The following SERGEF variants were observed in gnomAD, a reference collection of about 807,000 sequenced individuals.
The protein encoded by SERGEF is secretion-regulating guanine nucleotide exchange factor.
SERGEF carries 51 observed loss-of-function variants against 50.0 expected under a neutral mutation model. That is an observed-to-expected ratio of 1.02 (90% confidence interval 0.81 to 1.29). SERGEF has a LOEUF of 1.29. SERGEF is among the 50% of genes most tolerant of loss of function. The probability of loss-of-function intolerance (pLI) is 0.00; values close to 1 mark genes in which losing one functional copy is unlikely to be tolerated. For missense variants in SERGEF, 521 were observed against 557.0 expected (o/e 0.94, Z 0.65); for synonymous variants, 205 against 212.4 (o/e 0.97, Z 0.30).
At chr11:17,897,381 C>G (rs953833768) in intron 9 of SERGEF, among the ~76,000 whole-genome samples, 26 of 152,204 alleles carry the variant, frequency 1.7e-4, no homozygotes, top group African/African-American at 4.8e-5. Flanking sequence ...AAAGCCCAGC[C>G]AATCCCACCC....
intron 1 of SERGEF, chr11:18,012,599 G>A (rs1004968815): frequency 1.6e-5 from 19 of 1,183,414 alleles, no homozygotes; most frequent in Non-Finnish European, 1.8e-5. Flanking sequence ...TCTGGGACCG[G>A]GCGATCCTCT....
intron 4 of SERGEF, among the ~76,000 whole-genome samples, chr11:18,003,468 A>G (rs1046539322): frequency 2.0e-5 from 3 of 152,244 alleles, no homozygotes; most frequent in Admixed American, 6.5e-5. Flanking sequence ...AAACTGAGAC[A>G]TATTGTAAGT....
chr11:17,876,252 G>A (rs1337672192), intron 10 of SERGEF, among the ~76,000 whole-genome samples: 1 of 152,154 alleles, frequency 6.6e-6, no homozygotes, highest in African/African-American at 2.4e-5. Context: ...CAGGTCCCAG[G>A]CACTGGGGAT....
chr11:17,802,668 T>C (rs1044511684), intron 10 of SERGEF, among the ~76,000 whole-genome samples: 2 of 152,100 alleles, frequency 1.3e-5, no homozygotes, highest in Non-Finnish European at 1.5e-5. Flanking sequence ...AACTGGCCAG[T>C]CATGCTTCCA....
At chr11:17,974,750 C>T (rs1853331429) in intron 8 of SERGEF, among the ~76,000 whole-genome samples, 1 of 152,164 alleles carries the variant, frequency 6.6e-6, no homozygotes, top group African/African-American at 2.4e-5. Flanking sequence ...ATGGTCCCTT[C>T]TAGGATTAAA....
At chr11:17,941,120 T>C (rs954627725) in intron 9 of SERGEF, among the ~76,000 whole-genome samples, 1 of 152,250 alleles carries the variant, frequency 6.6e-6, no homozygotes, top group Non-Finnish European at 1.5e-5. Flanking sequence ...TCCCTCTCTC[T>C]ATTCACCAAT....
chr11:17,947,163 C>T (rs992525456), intron 9 of SERGEF, among the ~76,000 whole-genome samples: 9 of 152,214 alleles, frequency 5.9e-5, no homozygotes, highest in African/African-American at 2.2e-4. Context: ...CAACCATTTG[C>T]TTTCTGATAG....
chr11:17,819,975 C>T (rs1262469896), intron 10 of SERGEF, among the ~76,000 whole-genome samples: 1 of 152,130 alleles, frequency 6.6e-6, no homozygotes, highest in Non-Finnish European at 1.5e-5. Context: ...GGAGCTGGGA[C>T]TAAAAGTGCA....
At position 17,912,091 on chromosome 11, in the gene SERGEF, G is replaced by GAAACA. The variant is rs560570882; in HGVS notation, c.1012-33852_1012-33848dup. The stretch of plus-strand genomic sequence containing the variant: ...AAAGTAAGACCCTATCCAAGAGGGA[G>GAAACA]AAACAAAACAAAACAAACAGAGAGA... On this transcript the variant is annotated intron_variant, in intron 9 of 10. Coordinates refer to ENST00000265965, the MANE Select transcript of SERGEF (RefSeq NM_012139.4). Among the ~76,000 whole-genome samples, 8 of 152,226 alleles carry GAAACA rather than the reference G, an allele frequency of 5.3e-5. No homozygotes were observed. In the East Asian group the frequency reaches 1.2e-3, roughly 22 times the overall value.
At chr11:17,875,440 C>G (rs918268271) in intron 10 of SERGEF, among the ~76,000 whole-genome samples, 22 of 152,204 alleles carry the variant, frequency 1.4e-4, no homozygotes, top group African/African-American at 5.3e-4. Context: ...ACTCCCAGAT[C>G]GGGGAGATGG....
intron 9 of SERGEF, among the ~76,000 whole-genome samples, chr11:17,901,756 G>T (rs1851752624): frequency 6.6e-6 from 1 of 152,142 alleles, no homozygotes; most frequent in African/African-American, 2.4e-5. Flanking sequence ...CATAACTACA[G>T]TTCTCATGAC....
intron 10 of SERGEF, among the ~76,000 whole-genome samples, chr11:17,808,226 T>C (rs1396687715): frequency 6.6e-6 from 1 of 152,170 alleles, no homozygotes; most frequent in Non-Finnish European, 1.5e-5. Flanking sequence ...CTTGTGTCGC[T>C]ACAAAGAAAT....
intron 9 of SERGEF, among the ~76,000 whole-genome samples, chr11:17,951,067 C>T (rs1852764649): frequency 6.6e-6 from 1 of 152,200 alleles, no homozygotes; most frequent in African/African-American, 2.4e-5. Context: ...AGCATCTAGG[C>T]TCCACTATCT....
At position 17,977,003 on chromosome 11, in the gene SERGEF, T is replaced by C. The variant is rs774225062; in HGVS notation, c.844+11594A>G. 8.4e-4 allele frequency among the ~76,000 whole-genome samples: 128 copies of C among 152,328 alleles called. 1 individual carries two copies. Among genetic ancestry groups the C allele is most frequent in the Middle Eastern group, 3.4e-3 (1 of 294 alleles). ...GCTGAGGCTCTGTGGCCTGGGCTTC[T>C]CCAAGAAGGTAGGAAGAGGGCAGGG... On this transcript the variant is annotated intron_variant, in intron 8 of 10. Coordinates refer to ENST00000265965, the MANE Select transcript of SERGEF (RefSeq NM_012139.4).
chr11:17,993,993 GAAATA>G (rs747292731), intron 6 of SERGEF, among the ~76,000 whole-genome samples: 23 of 152,126 alleles, frequency 1.5e-4, no homozygotes, highest in Non-Finnish European at 2.1e-4. Context: ...TTGTTTAAAT[GAAATA>G]AAATAAAAAA....
intron 10 of SERGEF, among the ~76,000 whole-genome samples, chr11:17,815,041 G>A (rs906678383): frequency 2.6e-5 from 4 of 152,046 alleles, no homozygotes; most frequent in African/African-American, 9.7e-5. Flanking sequence ...TAAAAAATTA[G>A]CCAGGTGTGG....
intron 9 of SERGEF, among the ~76,000 whole-genome samples, chr11:17,942,242 A>G (rs1001667892): frequency 6.6e-6 from 1 of 152,160 alleles, no homozygotes; most frequent in African/African-American, 2.4e-5. Context: ...CCAATCTGTG[A>G]GTGTGATATC....
At chr11:17,934,036 TC>T (rs1265815902) in intron 9 of SERGEF, among the ~76,000 whole-genome samples, 1 of 152,112 alleles carries the variant, frequency 6.6e-6, no homozygotes, top group Non-Finnish European at 1.5e-5. Context: ...GTCAAAATGT[TC>T]ATGGAATTAA....
At chr11:17,813,931 C>G (rs775377188) in intron 10 of SERGEF, among the ~76,000 whole-genome samples, 1 of 152,206 alleles carries the variant, frequency 6.6e-6, no homozygotes, top group Non-Finnish European at 1.5e-5. Context: ...GTAAACTCAG[C>G]AGAAGCAGAT....
Sources: allele counts gnomAD v4.1 joint callset (sites outside exome capture counted in the v4.1 genomes callset), GRCh38; gene constraint gnomAD v4.1.1; transcripts MANE v1.5; gene names NCBI Gene and HGNC (gene_info 2026-07-23, HGNC 2026-07-21).